The following PCDHGB6 variants were observed in gnomAD, a reference collection of about 807,000 sequenced individuals.
PCDHGB6 encodes protocadherin gamma-B6.
Under a neutral mutation model 59.1 loss-of-function variants are expected in PCDHGB6, and 51 were observed. The observed-to-expected ratio is 0.86, with a 90% CI of 0.69 to 1.09. PCDHGB6 has a LOEUF of 1.09. PCDHGB6 is among the 50% of genes least tolerant of loss of function. PCDHGB6 has a pLI of 0.00. For synonymous variants in PCDHGB6, 466 were observed against 495.1 expected (o/e 0.94, Z 0.78); for missense variants, 1,148 against 1,205.1 (o/e 0.95, Z 0.70).
chr5:141,424,956 T>C (rs1435882776), intron 1 of PCDHGB6, among the ~76,000 whole-genome samples: 3 of 152,176 alleles, frequency 2.0e-5, no homozygotes, highest in African/African-American at 7.2e-5. Context: ...TTCTAGGTAT[T>C]TGCCCCAAAT....
At chr5:141,422,684 C>T (rs2096664410) in intron 1 of PCDHGB6, 1 of 1,604,876 alleles carries the variant, frequency 6.2e-7, no homozygotes, top group Admixed American at 1.7e-5. Flanking sequence ...AAACAGAATG[C>T]CCTGGTCACT....
At position 141,494,788 on chromosome 5, in the gene PCDHGB6, C is replaced by T. The variant is rs2099756942; in HGVS notation, c.2419-19C>T. The T allele has an allele frequency of 6.2e-7, 1 of 1,614,116 alleles. No homozygotes were observed. The highest frequency in any genetic ancestry group is 8.5e-7 in the Non-Finnish European group (1 of 1,180,000). On this transcript the variant is annotated intron_variant, in intron 1 of 3. Transcript: ENST00000520790. ...CTTCTCACGGGTACTCAGCCCCTTTCCCTCTGTTTTCTCCACAGCAAGCCC... is the reference window on the plus strand; with the variant it reads ...CTTCTCACGGGTACTCAGCCCCTTTTCCTCTGTTTTCTCCACAGCAAGCCC...
At chr5:141,442,029 A>C in intron 1 of PCDHGB6, 1 of 210,292 alleles carries the variant, frequency 4.8e-6, no homozygotes, top group Non-Finnish European at 9.8e-6. Context: ...CAGGAAAGCG[A>C]CTCGCCAGCG....
rs368718827 is a variant in PCDHGB6, at chr5:141,410,231, G to A, written c.2029G>A (p.Asp677Asn). The change falls in exon 1 of 4, where the codon GAC becomes AAC. Residue 677 changes from aspartate to asparagine, a missense_variant. Physicochemically the swap from Asp to Asn is conservative, Grantham distance 23 (BLOSUM62 1). Transcript: ENST00000520790. ...NLQEILPDLS[D>N]RPVLSDPQAE... is the part of the protein sequence containing the mutation. ...GCAAGAGATACTGCCAGACCTCAGC[G>A]ACCGCCCTGTACTCTCTGACCCCCA... 8.7e-6 allele frequency: 14 copies of A among 1,613,888 alleles called. No homozygotes were observed. The highest frequency in any genetic ancestry group is 1.6e-4 in the Middle Eastern group (1 of 6,084).
At chr5:141,506,172 TG>T (rs2099850913) in intron 3 of PCDHGB6, among the ~76,000 whole-genome samples, 1 of 152,128 alleles carries the variant, frequency 6.6e-6, no homozygotes, top group South Asian at 2.1e-4. Flanking sequence ...CAGCCTAAGC[TG>T]GGCGTGGTGG....
At position 141,437,148 on chromosome 5, in the gene PCDHGB6, A is replaced by T. The variant is rs1196014608; in HGVS notation, c.2418+26528A>T. ...GTTGATAATTTAGGATTCATAATTA[A>T]CATATGTGTTGATTGTTTTCTGAGA... is the stretch of plus-strand genomic sequence containing the variant. On this transcript the variant is annotated intron_variant, in intron 1 of 3. Coordinates refer to ENST00000520790, the MANE Select transcript of PCDHGB6 (RefSeq NM_018926.3). Among the ~76,000 whole-genome samples the T allele has an allele frequency of 2.0e-5, 3 of 152,214 alleles. No individual in the cohort carries two copies. In the East Asian group the frequency reaches 5.8e-4, roughly 29 times the overall value.
At position 141,490,909 on chromosome 5, in the gene PCDHGB6, G is replaced by A. The variant is rs1170664693; in HGVS notation, c.2419-3898G>A. On this transcript the variant is annotated intron_variant, in intron 1 of 3. Coordinates refer to ENST00000520790, the MANE Select transcript of PCDHGB6 (RefSeq NM_018926.3). The surrounding 1 kb of genome is among the most constrained non-coding windows in gnomAD (Gnocchi z 5.4). ...ATCTCTGCATGTGTTTGTCCTAGAC[G>A]AGAATGATAATGCCCCAGCTGTGCT... The A allele has an allele frequency of 1.1e-5, 17 of 1,613,626 alleles. No individual in the cohort carries two copies. Among genetic ancestry groups the A allele is most frequent in the East Asian group, 4.5e-5 (2 of 44,882 alleles).
rs777487681 is a variant in PCDHGB6, at chr5:141,432,809, T to C, written c.2418+22189T>C. 2.5e-6 allele frequency: 4 copies of C among 1,613,280 alleles called. No individual in the cohort carries two copies. In the African/African-American group the frequency reaches 5.4e-5, roughly 22 times the overall value. The stretch of plus-strand genomic sequence containing the variant: ...CGGCAGCCTCGAGTCTCCAGCTAAC[T>C]CTGAAACCTCAGACCTCACTCTGTA... On this transcript the variant is annotated intron_variant, in intron 1 of 3. Coordinates refer to ENST00000520790, the MANE Select transcript of PCDHGB6 (RefSeq NM_018926.3). The surrounding 1 kb of genome is among the most constrained non-coding windows in gnomAD (Gnocchi z 6.0).
intron 1 of PCDHGB6, among the ~76,000 whole-genome samples, chr5:141,434,888 C>T (rs1287540129): frequency 6.6e-6 from 1 of 150,944 alleles, no homozygotes; most frequent in Non-Finnish European, 1.5e-5. Flanking sequence ...AACAACAATC[C>T]AGTCCCCTTC....
chr5:141,460,075 C>T (rs2098981644), intron 1 of PCDHGB6, among the ~76,000 whole-genome samples: 2 of 151,896 alleles, frequency 1.3e-5, no homozygotes, highest in East Asian at 1.9e-4. Context: ...GAGACTTCAT[C>T]TAAAAAATAA....
In PCDHGB6 at chr5:141,485,457, T is replaced by G; in HGVS notation, c.2419-9350T>G. 1 of 1,614,124 alleles carries G rather than the reference T, an allele frequency of 6.2e-7. No individual in the cohort carries two copies. Among genetic ancestry groups the G allele is most frequent in the Non-Finnish European group, 8.5e-7 (1 of 1,180,020 alleles). On this transcript the variant is annotated intron_variant, in intron 1 of 3. Coordinates refer to ENST00000520790, the MANE Select transcript of PCDHGB6 (RefSeq NM_018926.3). This position sits in a 1 kb window ranked among gnomAD's most constrained non-coding sequence, Gnocchi z 5.7. ...AAGAACCCAATCGACCGAGAGGCAC[T>G]GTGTGGGCTCAGTGCCAGCTGCATC...
intron 1 of PCDHGB6, chr5:141,413,247 CGGGATTCCAT>C: frequency 6.2e-7 from 1 of 1,613,940 alleles, no homozygotes; most frequent in South Asian, 1.1e-5. Flanking sequence ...GCCTTTTCTT[CGGGATTCCAT>C]GGGAGGCTGG....
rs2099605934 is a variant in PCDHGB6, at chr5:141,485,057, C to G, written c.2419-9750C>G. On this transcript the variant is annotated intron_variant, in intron 1 of 3. Transcript: ENST00000520790. The surrounding 1 kb of genome is among the most constrained non-coding windows in gnomAD (Gnocchi z 5.7). ...GTAACCCTTGCGGCGCCGGCCGAAC[C>G]GCGCCAGAGCTGGCGCGGGGAAAGG... The G allele has an allele frequency of 1.2e-6, 1 of 843,720 alleles. No homozygotes were observed. Among genetic ancestry groups the G allele is most frequent in the Non-Finnish European group, 1.9e-6 (1 of 524,586 alleles). 52.3% of individuals were successfully genotyped at this position (843,720 alleles called of 1,614,324 possible).
At chr5:141,506,962 G>A (rs2099857578) in intron 3 of PCDHGB6, 1 of 152,196 alleles carries the variant, frequency 6.6e-6, no homozygotes, top group Non-Finnish European at 1.5e-5. Context: ...CCTCTCAATA[G>A]CTCTGCAAGG....
At chr5:141,497,878 C>T (rs553853040) in intron 2 of PCDHGB6, among the ~76,000 whole-genome samples, 32 of 152,256 alleles carry the variant, frequency 2.1e-4, no homozygotes, top group Non-Finnish European at 3.5e-4. Flanking sequence ...GTGAAATAAG[C>T]GTTAGGATCT....
At position 141,432,273 on chromosome 5, in the gene PCDHGB6, T is replaced by G. The variant is rs199937628; in HGVS notation, c.2418+21653T>G. 6.8e-6 allele frequency: 11 copies of G among 1,614,238 alleles called. No individual in the cohort carries two copies. In the Admixed American group the frequency reaches 1.7e-4, roughly 24 times the overall value. ...CAAGGGGCAAGCCTATCGTCCTACG[T>G]GTCCATCAACTCCGACACTGGGGTA... On this transcript the variant is annotated intron_variant, in intron 1 of 3. Coordinates refer to ENST00000520790, the MANE Select transcript of PCDHGB6 (RefSeq NM_018926.3). This position sits in a 1 kb window ranked among gnomAD's most constrained non-coding sequence, Gnocchi z 6.0.
At chr5:141,480,715 G>A (rs906358826) in intron 1 of PCDHGB6, among the ~76,000 whole-genome samples, 1 of 152,124 alleles carries the variant, frequency 6.6e-6, no homozygotes, top group African/African-American at 2.4e-5. Flanking sequence ...ACAAATGAAA[G>A]CACAGTCTCT....
In PCDHGB6 at chr5:141,488,566, A is replaced by T. The variant is rs1354931497; in HGVS notation, c.2419-6241A>T. On this transcript the variant is annotated intron_variant, in intron 1 of 3. Coordinates refer to ENST00000520790, the MANE Select transcript of PCDHGB6 (RefSeq NM_018926.3). ...TGTCAGCTGACATTGAGATTTCCGC[A>T]AAGCATTGCTGGAGAGTCAGGGCAA... 5.9e-5 allele frequency among the ~76,000 whole-genome samples: 9 copies of T among 152,324 alleles called. No individual in the cohort carries two copies. In the East Asian group the frequency reaches 1.5e-3, roughly 26 times the overall value.
Position 141,491,574 on chromosome 5 carries a change from T to G in PCDHGB6, c.2419-3233T>G. Reference sequence around the variant, plus strand: ...AGAGCCACTGCTACAGGACGTGCTTTTCACCGGCCTCGGACGGCAGTGACT... The same window carrying G: ...AGAGCCACTGCTACAGGACGTGCTTGTCACCGGCCTCGGACGGCAGTGACT... On this transcript the variant is annotated intron_variant, in intron 1 of 3. Transcript: ENST00000520790. This position sits in a 1 kb window ranked among gnomAD's most constrained non-coding sequence, Gnocchi z 6.9. The G allele has an allele frequency of 6.2e-7, 1 of 1,613,956 alleles. No homozygotes were observed. Among genetic ancestry groups the G allele is most frequent in the Non-Finnish European group, 8.5e-7 (1 of 1,180,032 alleles).
Sources: allele counts gnomAD v4.1 joint callset (sites outside exome capture counted in the v4.1 genomes callset), GRCh38; gene constraint gnomAD v4.1.1; non-coding constraint Gnocchi (gnomAD v3.1); transcripts MANE v1.5; gene names NCBI Gene and HGNC (gene_info 2026-07-23, HGNC 2026-07-21).